Variants in GALNTL6 observed in about 807,000 individuals in gnomAD.
The protein encoded by GALNTL6 is polypeptide N-acetylgalactosaminyltransferase-like 6.
A neutral mutation model predicts 73.7 loss-of-function variants in GALNTL6; 46 were observed. The ratio of observed to expected loss-of-function variants is 0.62; its 90% CI spans 0.49 to 0.80. The LOEUF (loss-of-function observed/expected upper bound fraction) is 0.80, where lower values mean the gene tolerates loss of function less well. Among genes scored for constraint, GALNTL6 ranks in the 30% least tolerant of loss-of-function variants. GALNTL6 has a pLI of 0.00. For synonymous variants in GALNTL6, 259 were observed against 263.7 expected (o/e 0.98, Z 0.17); for missense variants, 604 against 755.0 (o/e 0.80, Z 2.34).
intron 2 of GALNTL6, among the ~76,000 whole-genome samples, chr4:172,076,540 AC>A (rs1379092481): frequency 2.0e-5 from 3 of 152,270 alleles, no homozygotes; most frequent in African/African-American, 4.8e-5. Context: ...AATTAAAAAA[AC>A]ATTTTGTATT....
intron 5 of GALNTL6, among the ~76,000 whole-genome samples, chr4:172,614,476 G>T (rs1278562261): frequency 1.3e-5 from 2 of 152,050 alleles, no homozygotes; most frequent in Non-Finnish European, 2.9e-5. Flanking sequence ...ATACAGAAAA[G>T]GGACATGAAT....
chr4:172,908,179 C>T (rs1208671321), intron 8 of GALNTL6, among the ~76,000 whole-genome samples: 2 of 152,238 alleles, frequency 1.3e-5, no homozygotes, highest in South Asian at 2.1e-4. Flanking sequence ...CAATTTAAAA[C>T]GTATGAATTG....
intron 5 of GALNTL6, among the ~76,000 whole-genome samples, chr4:172,800,993 T>C (rs2110959741): frequency 6.6e-6 from 1 of 152,298 alleles, no homozygotes; most frequent in Middle Eastern, 3.5e-3. Context: ...CGGAAGATCT[T>C]TAATTACAAC....
intron 2 of GALNTL6, among the ~76,000 whole-genome samples, chr4:171,971,007 T>A (rs1003497870): frequency 6.6e-6 from 1 of 152,176 alleles, no homozygotes; most frequent in Non-Finnish European, 1.5e-5. Flanking sequence ...AGTAGCAGGG[T>A]TGAACTGAGG....
At chr4:172,723,902 C>T (rs1735643086) in intron 5 of GALNTL6, among the ~76,000 whole-genome samples, 1 of 152,124 alleles carries the variant, frequency 6.6e-6, no homozygotes, top group Non-Finnish European at 1.5e-5. Context: ...TACCTCTGTA[C>T]AGGTTCACTG....
At chr4:172,630,420 G>C (rs1211078885) in intron 5 of GALNTL6, among the ~76,000 whole-genome samples, 1 of 151,992 alleles carries the variant, frequency 6.6e-6, no homozygotes, top group Non-Finnish European at 1.5e-5. Flanking sequence ...TTTCCTACTA[G>C]AAATCGTAAT....
chr4:172,620,869 C>T (rs1303110287), intron 5 of GALNTL6, among the ~76,000 whole-genome samples: 2 of 152,090 alleles, frequency 1.3e-5, no homozygotes, highest in South Asian at 2.1e-4. Flanking sequence ...AGTCTTGATC[C>T]TCTACTTTGT....
At chr4:172,100,037 C>T (rs542959612) in intron 2 of GALNTL6, among the ~76,000 whole-genome samples, 1 of 152,204 alleles carries the variant, frequency 6.6e-6, no homozygotes, top group African/African-American at 2.4e-5. Context: ...ACTATATTAG[C>T]ATACTCAACT....
rs1455365711 is a variant in GALNTL6 at position 172,067,878 on chromosome 4, G to A, written c.139-161778G>A. 2.7e-5 allele frequency among the ~76,000 whole-genome samples: 3 copies of A among 110,450 alleles called. 1 individual carries two copies. Among genetic ancestry groups the A allele is most frequent in the African/African-American group, 1.0e-4 (3 of 29,286 alleles). The allele number at this position is 110,450 out of a possible 152,430, so 72.5% of individuals were successfully genotyped here. On this transcript the variant is annotated intron_variant, in intron 2 of 12. Coordinates refer to ENST00000506823, the MANE Select transcript of GALNTL6 (RefSeq NM_001034845.3). Reference sequence around the variant, plus strand: ...TAGTTGAGCCATTGCATGTAGAAGTGGAGTAAAGGCAGCAGAGGCTCAGTC... The same window carrying A: ...TAGTTGAGCCATTGCATGTAGAAGTAGAGTAAAGGCAGCAGAGGCTCAGTC...
At chr4:172,708,970 A>T (rs1734529634) in intron 5 of GALNTL6, among the ~76,000 whole-genome samples, 1 of 152,212 alleles carries the variant, frequency 6.6e-6, no homozygotes, top group South Asian at 2.1e-4. Flanking sequence ...TGGAGAAAAA[A>T]AATTGCTGAG....
chr4:172,077,209 C>A (rs1401076969), intron 2 of GALNTL6, among the ~76,000 whole-genome samples: 2 of 152,074 alleles, frequency 1.3e-5, no homozygotes, highest in East Asian at 3.9e-4. Context: ...TGGGGTGTTT[C>A]TATAAAGATA....
At chr4:172,419,787 C>T (rs1200211055) in intron 5 of GALNTL6, among the ~76,000 whole-genome samples, 1 of 152,078 alleles carries the variant, frequency 6.6e-6, no homozygotes, top group Non-Finnish European at 1.5e-5. Context: ...GAGACATGTC[C>T]CAGCTAGGCT....
At chr4:171,995,786 A>T (rs1740468744) in intron 2 of GALNTL6, among the ~76,000 whole-genome samples, 1 of 152,088 alleles carries the variant, frequency 6.6e-6, no homozygotes, top group Non-Finnish European at 1.5e-5. Context: ...TAAATGATTC[A>T]TTTAAAGTAT....
chr4:172,678,397 G>T (rs1403823465), intron 5 of GALNTL6, among the ~76,000 whole-genome samples: 1 of 151,376 alleles, frequency 6.6e-6, no homozygotes, highest in African/African-American at 2.4e-5. Context: ...ACAGGCTGGA[G>T]TGCAATGGCA....
chr4:172,712,214 A>G (rs1358164441), intron 5 of GALNTL6, among the ~76,000 whole-genome samples: 1 of 152,208 alleles, frequency 6.6e-6, no homozygotes, highest in African/African-American at 2.4e-5. Flanking sequence ...AGTAAAATAT[A>G]AGGAAATCAT....
chr4:172,640,604 C>T (rs1195141694), intron 5 of GALNTL6, among the ~76,000 whole-genome samples: 1 of 152,146 alleles, frequency 6.6e-6, no homozygotes, highest in Non-Finnish European at 1.5e-5. Flanking sequence ...CTCGCTGTGA[C>T]TTCAAATGGT....
chr4:172,899,831 A>T (rs1490131061), intron 8 of GALNTL6, among the ~76,000 whole-genome samples: 2 of 152,186 alleles, frequency 1.3e-5, no homozygotes, highest in African/African-American at 4.8e-5. Context: ...TCCCCTTTTT[A>T]GACCATATAG....
intron 2 of GALNTL6, among the ~76,000 whole-genome samples, chr4:171,984,574 A>G (rs1414125655): frequency 6.6e-6 from 1 of 152,154 alleles, no homozygotes; most frequent in Non-Finnish European, 1.5e-5. Flanking sequence ...CTGGTGTGTG[A>G]CAGCCCGCTC....
At chr4:172,907,512 T>C (rs946059277) in intron 8 of GALNTL6, among the ~76,000 whole-genome samples, 18 of 151,750 alleles carry the variant, frequency 1.2e-4, no homozygotes, top group African/African-American at 4.3e-4. Flanking sequence ...TCTCTACAGA[T>C]AACATAAAAG....
Sources: allele counts gnomAD v4.1 joint callset (sites outside exome capture counted in the v4.1 genomes callset), GRCh38; gene constraint gnomAD v4.1.1; transcripts MANE v1.5; gene names NCBI Gene and HGNC (gene_info 2026-07-23, HGNC 2026-07-21).